NCOA2: variants seen among roughly 807,000 people sequenced by gnomAD.
The protein encoded by NCOA2 is class E basic helix-loop-helix protein 75.
Under a neutral mutation model 145.1 loss-of-function variants are expected in NCOA2, and 21 were observed. The ratio of observed to expected loss-of-function variants is 0.14; its 90% CI spans 0.10 to 0.21. The LOEUF is 0.21. NCOA2 is among the 10% of genes least tolerant of loss of function. The probability of loss-of-function intolerance (pLI) is 1.00; values close to 1 mark genes in which losing one functional copy is unlikely to be tolerated. For synonymous variants in NCOA2, 619 were observed against 637.5 expected (o/e 0.97, Z 0.44); for missense variants, 1,472 against 1,837.6 (o/e 0.80, Z 3.64).
chr8:70,168,922 T>C (rs1813927468), intron 6 of NCOA2, among the ~76,000 whole-genome samples: 1 of 152,226 alleles, frequency 6.6e-6, no homozygotes, highest in African/African-American at 2.4e-5. Context: ...CAAGTATTCA[T>C]ACATTTTGTA....
chr8:70,328,141 C>G (rs975597250), intron 1 of NCOA2, among the ~76,000 whole-genome samples: 1 of 152,162 alleles, frequency 6.6e-6, no homozygotes, highest in Non-Finnish European at 1.5e-5. Context: ...GAGACACATA[C>G]AGAAAAGTTG....
chr8:70,420,072 A>C, the NCOA2 span, among the ~76,000 whole-genome samples: 2 of 152,216 alleles, frequency 1.3e-5, no homozygotes, highest in Admixed American at 6.5e-5. Flanking sequence ...AAAAGCAAGA[A>C]CCATATTTAA....
chr8:70,366,564 T>G (rs894683558), intron 1 of NCOA2, among the ~76,000 whole-genome samples: 10 of 151,456 alleles, frequency 6.6e-5, no homozygotes, highest in African/African-American at 2.4e-4. Context: ...TTTTTAAATC[T>G]AAACCTCAAA....
intron 2 of NCOA2, among the ~76,000 whole-genome samples, chr8:70,268,889 G>A (rs1453660100): frequency 2.0e-5 from 3 of 152,076 alleles, no homozygotes; most frequent in African/African-American, 4.8e-5. Flanking sequence ...AGGCTCTTTT[G>A]AGCTTGAAAA....
At position 70,131,851 on chromosome 8, in the gene NCOA2, C is replaced by T; in HGVS notation, c.3310G>A (p.Glu1104Lys). ...TCCGCGCATACCTGGCTGACCAGTT[C>T]GGGTATTCCTAAGGCTCTATCAATC... ...EEIDRALGIP[E>K]LVSQSQAVDP... is the part of the protein sequence containing the mutation. Residue 1104 changes from glutamate (E) to lysine (K), a missense_variant, in exon 16 of 23, where the codon GAA (glutamate) becomes AAA (lysine). Around this residue, in one of 4 missense-constraint regions of NCOA2, gnomAD observed 953 missense variants for 1,062.1 expected, o/e 0.90. Coordinates refer to ENST00000452400, the MANE Select transcript of NCOA2 (RefSeq NM_006540.4). 1 of 1,592,866 alleles carries T rather than the reference C, an allele frequency of 6.3e-7. No individual in the cohort carries two copies. The highest frequency in any genetic ancestry group is 8.5e-7 in the Non-Finnish European group (1 of 1,170,122).
chr8:70,246,277 T>C lies in NCOA2; in HGVS notation c.-19-29513A>G, dbSNP rs929632325. On this transcript the variant is annotated intron_variant, in intron 2 of 22. Transcript: ENST00000452400. ...ATCTTTGGTTATGGTTTGTTTCACA[T>C]TAAAAATTGTTCTTAATCCATGAAG... Among the ~76,000 whole-genome samples, 4 of 152,166 alleles carry C rather than the reference T, an allele frequency of 2.6e-5. No homozygotes were observed. The East Asian group carries it at 5.8e-4, about 22-fold the overall frequency.
intron 4 of NCOA2, among the ~76,000 whole-genome samples, chr8:70,203,507 G>C (rs934579794): frequency 1.3e-5 from 2 of 151,750 alleles, no homozygotes; most frequent in African/African-American, 4.8e-5. Flanking sequence ...CTACTTAAGA[G>C]GCTGAGGTGG....
intron 1 of NCOA2, among the ~76,000 whole-genome samples, chr8:70,357,966 A>G (rs1026381987): frequency 1.3e-5 from 2 of 149,968 alleles, no homozygotes; most frequent in East Asian, 4.0e-4. Context: ...CAGGAGAATC[A>G]CTTGAACCTG....
intron 1 of NCOA2, among the ~76,000 whole-genome samples, chr8:70,374,429 G>A (rs1373019703): frequency 2.0e-5 from 3 of 149,610 alleles, no homozygotes; most frequent in East Asian, 2.0e-4. Flanking sequence ...CTAAGATCAC[G>A]CCACAGCATT....
chr8:70,310,146 C>G (rs1828205811), intron 1 of NCOA2, among the ~76,000 whole-genome samples: 1 of 151,726 alleles, frequency 6.6e-6, no homozygotes, highest in Admixed American at 6.6e-5. Context: ...GCAAGACCAG[C>G]AAGGGGCCAA....
chr8:70,281,854 A>G (rs1423778495), intron 2 of NCOA2, among the ~76,000 whole-genome samples: 1 of 152,238 alleles, frequency 6.6e-6, no homozygotes, highest in African/African-American at 2.4e-5. Context: ...CTCATGAGAT[A>G]AGTTACGTTA....
chr8:70,229,856 T>G (rs1287044830), intron 2 of NCOA2, among the ~76,000 whole-genome samples: 7 of 152,234 alleles, frequency 4.6e-5, no homozygotes, highest in Non-Finnish European at 1.0e-4. Flanking sequence ...TAAGAACCGC[T>G]GCCCTAAACT....
intron 1 of NCOA2, among the ~76,000 whole-genome samples, chr8:70,369,684 G>A (rs1811036835): frequency 6.6e-6 from 1 of 152,130 alleles, no homozygotes; most frequent in Admixed American, 6.5e-5. Context: ...CAATGTATGT[G>A]TTTTGGGGGG....
intron 1 of NCOA2, among the ~76,000 whole-genome samples, chr8:70,297,564 CT>C (rs758620339): frequency 6.6e-6 from 1 of 152,176 alleles, no homozygotes; most frequent in Non-Finnish European, 1.5e-5. Flanking sequence ...AACTCCTAGC[CT>C]CAAGTGACCT....
At chr8:70,227,511 TAAC>T (rs1384601213) in intron 2 of NCOA2, among the ~76,000 whole-genome samples, 1 of 152,158 alleles carries the variant, frequency 6.6e-6, no homozygotes, top group Non-Finnish European at 1.5e-5. Flanking sequence ...TGGTAAAAAA[TAAC>T]AAGAAGGAAA....
chr8:70,197,176 ACCCATATGGTG>A (rs1231602238), intron 4 of NCOA2, among the ~76,000 whole-genome samples: 3 of 152,320 alleles, frequency 2.0e-5, no homozygotes, highest in East Asian at 1.9e-4. Context: ...TTTAAACATT[ACCCATATGGTG>A]AACTTCAATA....
At chr8:70,342,774 TACAC>T (rs370685018) in intron 1 of NCOA2, among the ~76,000 whole-genome samples, 6,577 of 124,022 alleles carry the variant, frequency 0.053, 163 homozygotes, top group African/African-American at 0.077. Context: ...CTTTTGCAAT[TACAC>T]ACACACACAC....
At chr8:70,161,161 G>C (rs1244005204) in intron 9 of NCOA2, among the ~76,000 whole-genome samples, 1 of 152,180 alleles carries the variant, frequency 6.6e-6, no homozygotes, top group Non-Finnish European at 1.5e-5. Context: ...TATTTCAAAA[G>C]TTTGAAATGT....
At chr8:70,357,756 G>A (rs72663980) in intron 1 of NCOA2, among the ~76,000 whole-genome samples, 14,258 of 150,406 alleles carry the variant, frequency 0.095, 946 homozygotes, top group Middle Eastern at 0.2. Flanking sequence ...AAAAAAGCGC[G>A]GTGGGGGGAA....
Sources: allele counts gnomAD v4.1 joint callset (sites outside exome capture counted in the v4.1 genomes callset), GRCh38; gene constraint gnomAD v4.1.1; regional missense constraint gnomAD v4.1.1; transcripts MANE v1.5; gene names NCBI Gene and HGNC (gene_info 2026-07-23, HGNC 2026-07-21).